Variants in TAF12 observed in about 807,000 individuals in gnomAD.
TAF12 encodes transcription initiation factor TFIID subunit 12.
A neutral mutation model predicts 20.8 loss-of-function variants in TAF12; 3 were observed. The ratio of observed to expected loss-of-function variants is 0.14; its 90% CI spans 0.07 to 0.37. TAF12 has a LOEUF of 0.37. TAF12 is among the 10% of genes least tolerant of loss of function. The probability of loss-of-function intolerance (pLI) is 1.00; values close to 1 mark genes in which losing one functional copy is unlikely to be tolerated. For synonymous variants in TAF12, 69 were observed against 70.2 expected (o/e 0.98, Z 0.09); for missense variants, 131 against 197.9 (o/e 0.66, Z 2.03).
rs1274519211 is a variant in TAF12, at chr1:28,603,186, GGGAGAA to G, written c.*347_*352del. On this transcript the variant is annotated 3_prime_UTR_variant, in exon 6 of 6. Transcript: ENST00000373824. Reference sequence around the variant, plus strand: ...TTACAAAGTACAGGGAAAAGGGGAAGGGAGAAGGAAACAAAACCCTTTACAAATCCT... The same window carrying G: ...TTACAAAGTACAGGGAAAAGGGGAAGGGAAACAAAACCCTTTACAAATCCT... 1 of 229,674 alleles carries G rather than the reference GGGAGAA, an allele frequency of 4.4e-6. No individual in the cohort carries two copies. The highest frequency in any genetic ancestry group is 2.3e-5 in the African/African-American group (1 of 44,156). The allele number at this position is 229,674 out of a possible 1,614,324, so 14.2% of individuals were successfully genotyped here.
At chr1:28,645,339 C>CT (rs1171697773), upstream of TAF12, among the ~76,000 whole-genome samples, 2,771 of 137,680 alleles carry the variant, frequency 0.02, 69 homozygotes, top group African/African-American at 0.061. Context: ...CCGGCCTCTT[C>CT]TTTTTTTTTT....
intron 1 of TAF12, among the ~76,000 whole-genome samples, chr1:28,636,643 A>AT (rs1288053120): frequency 6.6e-6 from 1 of 151,582 alleles, no homozygotes; most frequent in East Asian, 1.9e-4. Context: ...AAAAAAAAAA[A>AT]TCAAAAAATT....
chr1:28,628,821 C>T (rs1369294087), intron 1 of TAF12, among the ~76,000 whole-genome samples: 1 of 152,132 alleles, frequency 6.6e-6, no homozygotes, highest in African/African-American at 2.4e-5. Flanking sequence ...GCCTACAATC[C>T]CGGCACTTTG....
At chr1:28,615,603 C>T (rs1209234934) in intron 3 of TAF12, among the ~76,000 whole-genome samples, 1 of 143,152 alleles carries the variant, frequency 7.0e-6, no homozygotes, top group South Asian at 2.3e-4. Flanking sequence ...CACTTGAACC[C>T]GGGAGGTGGA....
At chr1:28,630,356 A>T (rs1667574040) in intron 1 of TAF12, among the ~76,000 whole-genome samples, 1 of 152,126 alleles carries the variant, frequency 6.6e-6, no homozygotes, top group South Asian at 2.1e-4. Flanking sequence ...GGAGTTCGAG[A>T]CCAGCCTGAC....
At chr1:28,619,133 C>T (rs907831724) in intron 2 of TAF12, among the ~76,000 whole-genome samples, 3 of 152,056 alleles carry the variant, frequency 2.0e-5, no homozygotes, top group Non-Finnish European at 4.4e-5. Context: ...GGGAGGACTA[C>T]CTGAGCCCAG....
chr1:28,604,887 G>T (rs1666613961), intron 5 of TAF12, among the ~76,000 whole-genome samples: 1 of 152,180 alleles, frequency 6.6e-6, no homozygotes. Context: ...TAGGTTCCTT[G>T]TTCAGAGGGA....
chr1:28,607,393 G>A (rs1428130996), intron 4 of TAF12, among the ~76,000 whole-genome samples: 1 of 151,950 alleles, frequency 6.6e-6, no homozygotes, highest in Non-Finnish European at 1.5e-5. Context: ...TTAGCTGGGC[G>A]GGAGTGGTGG....
chr1:28,604,203 C>T (rs1159546445), intron 5 of TAF12, among the ~76,000 whole-genome samples: 1 of 152,190 alleles, frequency 6.6e-6, no homozygotes, highest in Non-Finnish European at 1.5e-5. Context: ...CTGCGCCTGG[C>T]CAAGCATGTG....
At chr1:28,621,164 A>G (rs1344824363) in intron 2 of TAF12, among the ~76,000 whole-genome samples, 3 of 152,188 alleles carry the variant, frequency 2.0e-5, no homozygotes, top group African/African-American at 7.2e-5. Context: ...AACAGACTCC[A>G]TATTCAACAT....
rs1237599037 is a variant in TAF12 at position 28,642,985 on chromosome 1, G to C, written c.-85+7C>G. 1.2e-5 allele frequency: 12 copies of C among 986,136 alleles called. No homozygotes were observed. Among genetic ancestry groups the C allele is most frequent in the Non-Finnish European group, 1.4e-5 (12 of 830,142 alleles). The allele number at this position is 986,136 out of a possible 1,614,324, so 61.1% of individuals were successfully genotyped here. A position where few individuals can be genotyped will look rare whatever the true frequency, so the allele number is the denominator to read the frequency against. ...TTGTTCCTCAACTGCCAGGGCCCAA[G>C]ACTCACAGGCAGCAGCGTCTATCTC... On this transcript the variant is annotated splice_region_variant and intron_variant, in intron 1 of 5. Coordinates refer to ENST00000373824, the MANE Select transcript of TAF12 (RefSeq NM_005644.4).
intron 4 of TAF12, among the ~76,000 whole-genome samples, chr1:28,606,578 A>G (rs568599749): frequency 2.6e-5 from 4 of 152,192 alleles, no homozygotes; most frequent in African/African-American, 9.6e-5. Flanking sequence ...AGGTTTCTAA[A>G]GGACAAAATT....
intron 5 of TAF12, among the ~76,000 whole-genome samples, chr1:28,604,336 T>C (rs1051453180): frequency 6.6e-6 from 1 of 152,164 alleles, no homozygotes; most frequent in East Asian, 1.9e-4. Context: ...TGACCTGCAT[T>C]GAAGGGAAAC....
chr1:28,643,141 C>A (rs920062136), upstream of TAF12: 1 of 984,532 alleles, frequency 1.0e-6, no homozygotes, highest in African/African-American at 1.7e-5. Flanking sequence ...TTCCGGCCGG[C>A]GGGCGCGCGC....
At chr1:28,628,502 A>C (rs1240140955) in intron 1 of TAF12, among the ~76,000 whole-genome samples, 2 of 152,156 alleles carry the variant, frequency 1.3e-5, no homozygotes, top group African/African-American at 4.8e-5. Flanking sequence ...TAGGAGAGGA[A>C]TAGAGACTGG....
At chr1:28,639,426 C>CAAAAAAA (rs58772752) in intron 1 of TAF12, among the ~76,000 whole-genome samples, 1 of 89,540 alleles carries the variant, frequency 1.1e-5, no homozygotes, top group Admixed American at 1.2e-4. Context: ...CTCCGTCTCA[C>CAAAAAAA]AAAAAAAAAA....
At chr1:28,604,331 T>C (rs139263514) in intron 5 of TAF12, among the ~76,000 whole-genome samples, 1 of 152,186 alleles carries the variant, frequency 6.6e-6, no homozygotes, top group Non-Finnish European at 1.5e-5. Context: ...TCTCATGACC[T>C]GCATTGAAGG....
At position 28,603,374 on chromosome 1, in the gene TAF12, T is replaced by G. The variant is rs1186368114; in HGVS notation, c.*165A>C. On this transcript the variant is annotated 3_prime_UTR_variant, in exon 6 of 6. Coordinates refer to ENST00000373824, the MANE Select transcript of TAF12 (RefSeq NM_005644.4). ...GAAGTTGGGGTAGGAGGCTTTATTC[T>G]TTTGGCAGATCCTCTCAGTCATTAT... The G allele has an allele frequency of 4.4e-6, 3 of 678,120 alleles. No individual in the cohort carries two copies. Among genetic ancestry groups the G allele is most frequent in the Non-Finnish European group, 7.3e-6 (3 of 410,752 alleles). 42.0% of individuals were successfully genotyped at this position (678,120 alleles called of 1,614,324 possible).
intron 4 of TAF12, among the ~76,000 whole-genome samples, chr1:28,606,815 G>A (rs1666683384): frequency 1.3e-5 from 2 of 152,248 alleles, no homozygotes. Context: ...TCACTGAGCA[G>A]CTGTATGACG....
Sources: allele counts gnomAD v4.1 joint callset (sites outside exome capture counted in the v4.1 genomes callset), GRCh38; gene constraint gnomAD v4.1.1; transcripts MANE v1.5; gene names NCBI Gene and HGNC (gene_info 2026-07-23, HGNC 2026-07-21).